Variants in SLC38A12 observed in about 807,000 individuals in gnomAD.
SLC38A12 encodes the protein solute carrier family 38 member 12.
At chr17:74,795,774 C>T in the SLC38A12 span, 46 of 671,928 alleles carry the variant, frequency 6.8e-5, no homozygotes, top group Middle Eastern at 3.1e-4. Flanking sequence ...AGCACTGGGG[C>T]CTTGGCCCCA....
At chr17:74,798,085 G>T in the SLC38A12 span, among the ~76,000 whole-genome samples, 2 of 152,196 alleles carry the variant, frequency 1.3e-5, no homozygotes, top group Non-Finnish European at 2.9e-5. Context: ...GGTCGGAGGA[G>T]AATTGAAAGC....
the SLC38A12 span, chr17:74,791,084 C>T: frequency 1.9e-6 from 3 of 1,546,440 alleles, no homozygotes; most frequent in Non-Finnish European, 2.7e-6. Context: ...GGAGCTGGTG[C>T]TTCCCTGCAG....
chr17:74,800,717 A>G, the SLC38A12 span, among the ~76,000 whole-genome samples: 1 of 152,212 alleles, frequency 6.6e-6, no homozygotes, highest in Non-Finnish European at 1.5e-5. Flanking sequence ...TTTCAACGTC[A>G]GTGGTGCCCC....
At chr17:74,780,224 G>A in the SLC38A12 span, among the ~76,000 whole-genome samples, 3 of 152,202 alleles carry the variant, frequency 2.0e-5, no homozygotes, top group Non-Finnish European at 4.4e-5. Flanking sequence ...GCTGCCTTCT[G>A]TTTCCTTTGA....
the SLC38A12 span, among the ~76,000 whole-genome samples, chr17:74,815,868 CT>C: frequency 6.6e-6 from 1 of 152,218 alleles, no homozygotes; most frequent in African/African-American, 2.4e-5. Context: ...TGACTGAGCC[CT>C]TGGTACCCAG....
the SLC38A12 span, among the ~76,000 whole-genome samples, chr17:74,783,368 G>A: frequency 1.3e-5 from 2 of 152,286 alleles, no homozygotes; most frequent in African/African-American, 4.8e-5. Flanking sequence ...CCCAAGAGAG[G>A]GCATAAGAAG....
chr17:74,821,318 C>A, the SLC38A12 span, among the ~76,000 whole-genome samples: 1 of 152,240 alleles, frequency 6.6e-6, no homozygotes, highest in African/African-American at 2.4e-5. Context: ...GGGAGGACAC[C>A]TGTCCATCCC....
At chr17:74,795,127 G>GC in the SLC38A12 span, 2 of 1,612,348 alleles carry the variant, frequency 1.2e-6, no homozygotes, top group South Asian at 2.2e-5. Flanking sequence ...TACCCTCCTG[G>GC]CCCCCAGGTT....
chr17:74,820,784 A>G, the SLC38A12 span, among the ~76,000 whole-genome samples: 1 of 152,076 alleles, frequency 6.6e-6, no homozygotes, highest in Non-Finnish European at 1.5e-5. Context: ...GTGCTCGCCC[A>G]TTCTACCCTC....
At chr17:74,811,875 A>AATAAT in the SLC38A12 span, among the ~76,000 whole-genome samples, 1 of 151,876 alleles carries the variant, frequency 6.6e-6, no homozygotes. Flanking sequence ...TCTGCAAAAA[A>AATAAT]AATAATAATA....
the SLC38A12 span, chr17:74,836,042 C>T: frequency 2.5e-6 from 4 of 1,613,072 alleles, no homozygotes; most frequent in African/African-American, 2.7e-5. The surrounding 1 kb of genome is among the most constrained non-coding windows in gnomAD (Gnocchi z 4.2). Context: ...TGTGCGTCTA[C>T]TCCTTCATGT....
At chr17:74,834,377 A>G in the SLC38A12 span, among the ~76,000 whole-genome samples, 1 of 151,980 alleles carries the variant, frequency 6.6e-6, no homozygotes, top group Non-Finnish European at 1.5e-5. Flanking sequence ...AGAGGCAGAA[A>G]CAAATCATCT....
the SLC38A12 span, among the ~76,000 whole-genome samples, chr17:74,809,373 A>G: frequency 6.6e-6 from 1 of 152,118 alleles, no homozygotes; most frequent in East Asian, 1.9e-4. Flanking sequence ...CCTCACTGAC[A>G]GGGCTGAGCC....
the SLC38A12 span, chr17:74,836,606 G>A: frequency 6.2e-7 from 1 of 1,613,254 alleles, no homozygotes; most frequent in Non-Finnish European, 8.5e-7. The surrounding 1 kb of genome is among the most constrained non-coding windows in gnomAD (Gnocchi z 4.2). Context: ...ACACCTTCTG[G>A]GTGGGCTTCG....
At chr17:74,778,538 C>G in the SLC38A12 span, among the ~76,000 whole-genome samples, 64,637 of 151,770 alleles carry the variant, frequency 0.43, 15,560 homozygotes, top group Non-Finnish European at 0.55. Context: ...TGGAAGAAAG[C>G]CTTCCTGATT....
chr17:74,778,973 G>A, the SLC38A12 span, among the ~76,000 whole-genome samples: 1 of 152,032 alleles, frequency 6.6e-6, no homozygotes, highest in African/African-American at 2.4e-5. Context: ...CAGCCTCTCA[G>A]GTGAAGTCTT....
At chr17:74,827,192 G>A in the SLC38A12 span, among the ~76,000 whole-genome samples, 1 of 152,048 alleles carries the variant, frequency 6.6e-6, no homozygotes, top group Non-Finnish European at 1.5e-5. The surrounding 1 kb of genome is among the most constrained non-coding windows in gnomAD (Gnocchi z 4.7). Flanking sequence ...TTTCTGCAAT[G>A]ATAGAAGGCA....
chr17:74,792,865 A>G, the SLC38A12 span, among the ~76,000 whole-genome samples: 1 of 152,126 alleles, frequency 6.6e-6, no homozygotes, highest in Admixed American at 6.5e-5. Flanking sequence ...CCTTTGTTCC[A>G]TTTCCATCCC....
At chr17:74,812,177 G>A in the SLC38A12 span, among the ~76,000 whole-genome samples, 11 of 151,648 alleles carry the variant, frequency 7.3e-5, no homozygotes, top group Non-Finnish European at 1.6e-4. Flanking sequence ...AGGAAGCCAC[G>A]CTCATGTCTG....
Sources: gnomAD v4.1 joint callset for allele counts (sites outside exome capture counted in the v4.1 genomes callset) on GRCh38, gnomAD v4.1.1 for gene constraint, Gnocchi (gnomAD v3.1) non-coding constraint, MANE v1.5 for transcripts, NCBI Gene and HGNC (gene_info 2026-07-23, HGNC 2026-07-21) for gene names.